The following TULP4 variants were observed in gnomAD, a reference collection of about 807,000 sequenced individuals.
TULP4 encodes tubby-related protein 4.
A neutral mutation model predicts 129.0 loss-of-function variants in TULP4; 16 were observed. The ratio of observed to expected loss-of-function variants is 0.12; its 90% CI spans 0.08 to 0.19. The LOEUF is 0.19. TULP4 is among the 10% of genes least tolerant of loss of function. The pLI is 1.00. For missense variants in TULP4, 1,842 were observed against 2,059.1 expected, an observed-to-expected ratio of 0.89 and a Z score of 2.04; for synonymous variants, 998 against 854.0, an observed-to-expected ratio of 1.17 and a Z score of -2.94.
intron 1 of TULP4, among the ~76,000 whole-genome samples, chr6:158,346,755 G>A: frequency 6.6e-6 from 1 of 152,096 alleles, no homozygotes; most frequent in Non-Finnish European, 1.5e-5. Context: ...AACCCCTTTA[G>A]CCACTCTTCC....
intron 1 of TULP4, among the ~76,000 whole-genome samples, chr6:158,318,304 C>G (rs974148166): frequency 1.3e-4 from 20 of 152,096 alleles, no homozygotes; most frequent in Admixed American, 7.2e-4. Context: ...TACTCTCCCC[C>G]ACCCACCGCA....
At chr6:158,397,025 A>G (rs705938) in intron 1 of TULP4, among the ~76,000 whole-genome samples, 106,484 of 152,102 alleles carry the variant, frequency 0.7, 37,617 homozygotes, top group Middle Eastern at 0.76. Context: ...TTTGCTCAGC[A>G]GGAGAGAGAT....
At chr6:158,376,201 C>T (rs1170416540) in intron 1 of TULP4, among the ~76,000 whole-genome samples, 1 of 152,186 alleles carries the variant, frequency 6.6e-6, no homozygotes, top group South Asian at 2.1e-4. Flanking sequence ...CTTAAAAAAG[C>T]GGTAACCATT....
intron 5 of TULP4, among the ~76,000 whole-genome samples, chr6:158,459,437 A>G (rs111482404): frequency 0.18 from 27,188 of 151,542 alleles, 2,870 homozygotes; most frequent in Middle Eastern, 0.25. Flanking sequence ...TCTCAAAAAA[A>G]AAAAAAGAAG....
intron 1 of TULP4, among the ~76,000 whole-genome samples, chr6:158,291,214 A>G (rs935453865): frequency 6.6e-6 from 1 of 152,100 alleles, no homozygotes; most frequent in Non-Finnish European, 1.5e-5. Context: ...CCTGAAGAAT[A>G]TTGTTTAGAT....
intron 1 of TULP4, among the ~76,000 whole-genome samples, chr6:158,371,010 A>G (rs1777058642): frequency 6.6e-6 from 1 of 152,222 alleles, no homozygotes; most frequent in South Asian, 2.1e-4. Context: ...TAGCTCCCTT[A>G]CAGGCTCCTG....
chr6:158,324,735 C>T (rs1779709762), intron 1 of TULP4, among the ~76,000 whole-genome samples: 1 of 152,056 alleles, frequency 6.6e-6, no homozygotes, highest in African/African-American at 2.4e-5. Flanking sequence ...GTATTAATAT[C>T]CTTGCTGTAC....
chr6:158,402,365 T>C (rs539178550), intron 1 of TULP4, among the ~76,000 whole-genome samples: 3 of 152,332 alleles, frequency 2.0e-5, no homozygotes, highest in African/African-American at 7.2e-5. Flanking sequence ...AGCTGTTATC[T>C]GAATTAGAGT....
chr6:158,486,300 C>T (rs978258103), intron 8 of TULP4, among the ~76,000 whole-genome samples: 4 of 152,258 alleles, frequency 2.6e-5, no homozygotes, highest in East Asian at 3.9e-4. Flanking sequence ...GACTAACTAA[C>T]GCCTGTGATC....
At chr6:158,232,545 G>A (rs1172033347) in intron 1 of TULP4, among the ~76,000 whole-genome samples, 1 of 151,878 alleles carries the variant, frequency 6.6e-6, no homozygotes, top group Non-Finnish European at 1.5e-5. Flanking sequence ...TTGGCTGTGG[G>A]AGCCTTTTGT....
rs1289110289 is a variant in TULP4 at position 158,506,685 on chromosome 6, C to T, written c.4623C>T (p.Arg1541=). 6.2e-7 allele frequency: 1 copy of T among 1,609,032 alleles called. No individual in the cohort carries two copies. The highest frequency in any genetic ancestry group is 8.5e-7 in the Non-Finnish European group (1 of 1,175,364). ...TTGCCCTGGCCAACGTGACTCAGCGCCTCAAATGAAGAGACTGGTGTGGGG... is the reference window on the plus strand; with the variant it reads ...TTGCCCTGGCCAACGTGACTCAGCGTCTCAAATGAAGAGACTGGTGTGGGG... ...FAVALANVTQ[R]LK is the part of the protein sequence containing the mutation. The change falls in exon 14 of 14, where the codon CGC becomes CGT. Residue 1541 remains arginine (R), a synonymous_variant. Coordinates refer to ENST00000367097, the MANE Select transcript of TULP4 (RefSeq NM_020245.5).
intron 6 of TULP4, among the ~76,000 whole-genome samples, chr6:158,471,406 C>T (rs1330573503): frequency 2.0e-5 from 3 of 152,046 alleles, no homozygotes; most frequent in Admixed American, 2.0e-4. Context: ...GCCAAGGAGT[C>T]GAAGGAATCT....
At chr6:158,392,904 G>A (rs1255332911) in intron 1 of TULP4, among the ~76,000 whole-genome samples, 4 of 139,872 alleles carry the variant, frequency 2.9e-5, no homozygotes, top group East Asian at 2.0e-4. Context: ...GGGTTCAAGC[G>A]ATTCTCCTGC....
chr6:158,450,420 C>T (rs1021398364), intron 4 of TULP4, among the ~76,000 whole-genome samples: 1 of 152,172 alleles, frequency 6.6e-6, no homozygotes, highest in Non-Finnish European at 1.5e-5. Flanking sequence ...TTATGCTTCC[C>T]AGCAGCAGAC....
In TULP4 at chr6:158,455,960, C is replaced by G. The variant is rs537951811; in HGVS notation, c.859+3692C>G. 3.3e-5 allele frequency among the ~76,000 whole-genome samples: 5 copies of G among 152,100 alleles called. No individual in the cohort carries two copies. The East Asian group carries it at 9.6e-4, about 29-fold the overall frequency. On this transcript the variant is annotated intron_variant, in intron 5 of 13. Coordinates refer to ENST00000367097, the MANE Select transcript of TULP4 (RefSeq NM_020245.5). ...TGTATTAATGTGAATAAGCATAGGACCCACATAAAATAAGAGACTCAAAGA... is the reference window on the plus strand; with the variant it reads ...TGTATTAATGTGAATAAGCATAGGAGCCACATAAAATAAGAGACTCAAAGA...
At position 158,271,750 on chromosome 6, in the gene TULP4, C is replaced by T. The variant is rs140573332; in HGVS notation, n.68+39447C>T. Among the ~76,000 whole-genome samples the T allele has an allele frequency of 6.6e-4, 101 of 152,202 alleles. 1 individual carries two copies. The highest frequency in any genetic ancestry group is 2.1e-3 in the African/African-American group (86 of 41,534). ...TGGCCCCACATTAAAAATTTTGAAA[C>T]GGTAGCTTTGATTCAGGTGTAACTG... On this transcript the variant is annotated intron_variant and non_coding_transcript_variant, in intron 1 of 1. Transcript: ENST00000620026.
At chr6:158,489,469 C>A in intron 8 of TULP4, 119 bp from the exon 9 acceptor site, 2 of 1,271,960 alleles carry the variant, frequency 1.6e-6, no homozygotes, top group Non-Finnish European at 2.2e-6. Flanking sequence ...TGGTTTCAAC[C>A]TCTAGGTCTA....
chr6:158,333,400 T>G (rs1463078354), intron 1 of TULP4, among the ~76,000 whole-genome samples: 1 of 152,226 alleles, frequency 6.6e-6, no homozygotes, highest in Non-Finnish European at 1.5e-5. Context: ...GCTCTCAGGG[T>G]GAAACCTACC....
intron 1 of TULP4, among the ~76,000 whole-genome samples, chr6:158,268,614 A>C (rs1483802549): frequency 1.3e-5 from 2 of 152,140 alleles, no homozygotes; most frequent in African/African-American, 4.8e-5. Flanking sequence ...ATGCTATTAC[A>C]TTTGGTATTA....
Sources: gnomAD v4.1 joint callset for allele counts (sites outside exome capture counted in the v4.1 genomes callset) on GRCh38, gnomAD v4.1.1 for gene constraint, MANE v1.5 for transcripts, NCBI Gene and HGNC (gene_info 2026-07-23, HGNC 2026-07-21) for gene names.